HEBP1: variants seen among roughly 807,000 people sequenced by gnomAD.
The protein encoded by HEBP1 is heme binding protein 1.
In HEBP1, 13 loss-of-function variants were observed where a neutral mutation model predicts 20.4. The observed-to-expected ratio is 0.64, with a 90% CI of 0.42 to 1.01. The LOEUF (loss-of-function observed/expected upper bound fraction) is 1.01. Ranked by LOEUF, HEBP1 falls within the 50% of genes least tolerant of loss-of-function variation. The pLI, the probability that HEBP1 is intolerant of heterozygous loss-of-function variation, is 0.00. For missense variants in HEBP1, 241 were observed against 247.3 expected (o/e 0.97, Z 0.17); for synonymous variants, 92 against 90.7 (o/e 1.01, Z -0.08).
Position 12,987,270 on chromosome 12 carries a change from G to C in HEBP1, c.280C>G (p.Leu94Val). The change falls in exon 3 of 4, where the codon CTG becomes GTG. Residue 94 changes from leucine (L) to valine (V), a missense_variant. Leu to Val is a conservative substitution (Grantham distance 32, BLOSUM62 1). Transcript: ENST00000014930. The part of the protein sequence containing the change: ...FAVFPNEDGS[L>V]QKKLKVWFRI... ...AACCAGACTTTTAATTTCTTCTGCA[G>C]AGAGCCATCTTCATTGGGGAACACA... The C allele has an allele frequency of 6.2e-7, 1 of 1,614,094 alleles. No homozygotes were observed. Among genetic ancestry groups the C allele is most frequent in the South Asian group, 1.1e-5 (1 of 91,078 alleles).
At chr12:12,987,632 C>CTCTCTT (rs1555114946) in intron 2 of HEBP1, among the ~76,000 whole-genome samples, 3 of 151,178 alleles carry the variant, frequency 2.0e-5, no homozygotes, top group African/African-American at 4.9e-5. Flanking sequence ...CTCTCTCTCT[C>CTCTCTT]TCTTTCTTTC....
At chr12:12,975,523 T>G (rs1863968840) in intron 3 of HEBP1, 44 bp from the exon 4 acceptor site, 8 of 1,535,584 alleles carry the variant, frequency 5.2e-6, no homozygotes, top group Non-Finnish European at 7.0e-6. Context: ...GGACATGACC[T>G]CTGAGAGAGG....
intron 1 of HEBP1, among the ~76,000 whole-genome samples, chr12:12,995,307 C>T (rs1333675263): frequency 6.6e-6 from 1 of 152,218 alleles, no homozygotes; most frequent in Non-Finnish European, 1.5e-5. Flanking sequence ...CCTCCACCCA[C>T]AAGCCCCACA....
chr12:12,992,610 C>A lies in HEBP1; in HGVS notation c.79-3195G>T, dbSNP rs116522448. Among the ~76,000 whole-genome samples the A allele has an allele frequency of 4.7e-4, 72 of 152,276 alleles. 1 individual carries two copies. The highest frequency in any genetic ancestry group is 2.4e-3 in the Admixed American group (37 of 15,302). On this transcript the variant is annotated intron_variant, in intron 1 of 3. Coordinates refer to ENST00000014930, the MANE Select transcript of HEBP1 (RefSeq NM_015987.5). ...CAGGAATCATGAGGCAGCAAGTCAG[C>A]CTTGACTGTGGGGCACCGTGCTGAA...
chr12:12,989,337 C>T lies in HEBP1; in HGVS notation c.157G>A (p.Glu53Lys). ...TVEVTDKPVD[E>K]ALREAMPKVA... ...TTGGGCATTGCTTCCCGTAGAGCCT[C>T]ATCCACAGGCTTATCTGTCACTTCT... Residue 53 changes from glutamate (E) to lysine (K), a missense_variant, in exon 2 of 4, where the codon GAG becomes AAG. Physicochemically the swap from Glu to Lys is moderately conservative, Grantham distance 56. Coordinates refer to ENST00000014930, the MANE Select transcript of HEBP1 (RefSeq NM_015987.5). The T allele has an allele frequency of 6.2e-7, 1 of 1,614,204 alleles. No individual in the cohort carries two copies. The highest frequency in any genetic ancestry group is 8.5e-7 in the Non-Finnish European group (1 of 1,180,002).
rs748295523 is a variant in HEBP1, at chr12:12,975,493, AG to A, written c.399-15del. On this transcript the variant is annotated splice_polypyrimidine_tract_variant and intron_variant, in intron 3 of 3. Coordinates refer to ENST00000014930, the MANE Select transcript of HEBP1 (RefSeq NM_015987.5). ...CCACCAAACTGCCTGGGGGTTCAAG[AG>A]CAAGGGCTGGTTACGAAAGGACATG... The A allele has an allele frequency of 1.9e-5, 30 of 1,594,818 alleles. 1 individual carries two copies. The South Asian group carries it at 2.9e-4, about 16-fold the overall frequency.
intron 1 of HEBP1, 56 bp from the exon 2 acceptor site, chr12:12,989,471 C>T (rs935936342): frequency 4.4e-6 from 7 of 1,577,924 alleles, no homozygotes; most frequent in Non-Finnish European, 6.1e-6. Flanking sequence ...CTTGTGATGT[C>T]TCTAGAAGTA....
In HEBP1 at chr12:12,996,928, T is replaced by C. The variant is rs1360498899; in HGVS notation, c.78+3109A>G. Among the ~76,000 whole-genome samples the C allele has an allele frequency of 2.6e-5, 4 of 152,196 alleles. No homozygotes were observed. Among genetic ancestry groups the C allele is most frequent in the African/African-American group, 9.7e-5 (4 of 41,442 alleles). On this transcript the variant is annotated intron_variant, in intron 1 of 3. Transcript: ENST00000014930. The surrounding 1 kb of genome is among the most constrained non-coding windows in gnomAD (Gnocchi z 4.1). ...CACAATTAGCTTCAGAGGGGCTAAG[T>C]TGGCCTGTGACCACACAGCTAGAAA... is the stretch of plus-strand genomic sequence containing the variant.
chr12:12,985,332 G>T (rs73287264), intron 3 of HEBP1, among the ~76,000 whole-genome samples: 3,184 of 152,180 alleles, frequency 0.021, 124 homozygotes, highest in African/African-American at 0.073. Context: ...AAATAATCCA[G>T]GGTAGGGCTG....
rs1864158794 is a variant in HEBP1 at position 12,986,863 on chromosome 12, C to T, written c.398+289G>A. ...TTGACTTAAGATATTTGCTGAGTCT[C>T]CTAGAACCCTGCTATGGCTAATGTA... On this transcript the variant is annotated intron_variant, in intron 3 of 3. Coordinates refer to ENST00000014930, the MANE Select transcript of HEBP1 (RefSeq NM_015987.5). This position sits in a 1 kb window ranked among gnomAD's most constrained non-coding sequence, Gnocchi z 4.3. The T allele has an allele frequency of 3.3e-6, 1 of 307,616 alleles. No homozygotes were observed. Among genetic ancestry groups the T allele is most frequent in the Non-Finnish European group, 6.0e-6 (1 of 165,650 alleles). The allele number at this position is 307,616 out of a possible 1,614,324, so 19.1% of individuals were successfully genotyped here. A position where few individuals can be genotyped will look rare whatever the true frequency, so the allele number is the denominator to read the frequency against.
chr12:12,992,428 T>C (rs1864235269), intron 1 of HEBP1, among the ~76,000 whole-genome samples: 1 of 152,198 alleles, frequency 6.6e-6, no homozygotes, highest in Non-Finnish European at 1.5e-5. Flanking sequence ...GGTCTCGAAC[T>C]CCTGACCTCA....
rs572029634 is a variant in HEBP1, at chr12:12,982,922, G to A, written c.398+4230C>T. ...GTCTAGGATTGAGTAGGTATTTACA[G>A]GTATTATCATATTTTATCCTCACAA... On this transcript the variant is annotated intron_variant, in intron 3 of 3. Transcript: ENST00000014930. 1.3e-4 allele frequency among the ~76,000 whole-genome samples: 20 copies of A among 152,214 alleles called. No individual in the cohort carries two copies. In the South Asian group the frequency reaches 4.1e-3, roughly 32 times the overall value.
chr12:12,978,540 A>T (rs1353428730), intron 3 of HEBP1, among the ~76,000 whole-genome samples: 3 of 152,050 alleles, frequency 2.0e-5, no homozygotes, highest in African/African-American at 7.2e-5. Context: ...GCACGATCCA[A>T]TTGTGCTTTG....
chr12:12,975,942 C>G (rs893970916), intron 3 of HEBP1, among the ~76,000 whole-genome samples: 2 of 152,262 alleles, frequency 1.3e-5, no homozygotes, highest in African/African-American at 4.8e-5. Flanking sequence ...TCGGGCAGAG[C>G]TGCAGTGAGT....
chr12:12,983,685 G>A (rs1486753286), intron 3 of HEBP1: 4 of 456,020 alleles, frequency 8.8e-6, no homozygotes, highest in Admixed American at 7.0e-5. Flanking sequence ...TGAGAACTCC[G>A]TGTTAAAAAT....
intron 1 of HEBP1, among the ~76,000 whole-genome samples, chr12:12,993,842 A>AT (rs1323631684): frequency 1.3e-5 from 2 of 152,138 alleles, no homozygotes; most frequent in Non-Finnish European, 2.9e-5. Flanking sequence ...ATCTAATGAT[A>AT]TTTTTAGGGG....
chr12:12,978,062 A>G (rs188689431), intron 3 of HEBP1, among the ~76,000 whole-genome samples: 1 of 152,162 alleles, frequency 6.6e-6, no homozygotes, highest in Non-Finnish European at 1.5e-5. Flanking sequence ...ACTCATTCAC[A>G]TAATAAACAT....
Position 13,000,261 on chromosome 12 carries a change from G to C in HEBP1, c.-147C>G, listed in dbSNP as rs888772786. 5.8e-6 allele frequency: 2 copies of C among 344,388 alleles called. No homozygotes were observed. The highest frequency in any genetic ancestry group is 1.0e-5 in the Non-Finnish European group (2 of 190,540). The allele number at this position is 344,388 out of a possible 1,614,324, so 21.3% of individuals were successfully genotyped here. A position where few individuals can be genotyped will look rare whatever the true frequency, so the allele number is the denominator to read the frequency against. On this transcript the variant is annotated 5_prime_UTR_variant, in exon 1 of 4. Coordinates refer to ENST00000014930, the MANE Select transcript of HEBP1 (RefSeq NM_015987.5). Reference sequence around the variant, plus strand: ...GGCAGGGCGGCAAGGCGGCGGGACGGCGAGGCGGCGAGGCGAGAGGCGGGG... The same window carrying C: ...GGCAGGGCGGCAAGGCGGCGGGACGCCGAGGCGGCGAGGCGAGAGGCGGGG...
In HEBP1 at chr12:12,996,512, A is replaced by G. The variant is rs150054575; in HGVS notation, c.78+3525T>C. On this transcript the variant is annotated intron_variant, in intron 1 of 3. Coordinates refer to ENST00000014930, the MANE Select transcript of HEBP1 (RefSeq NM_015987.5). The surrounding 1 kb of genome is among the most constrained non-coding windows in gnomAD (Gnocchi z 4.1). ...CCAACATCTGGTGAGCCTGAAGCCC[A>G]TGCTATGTGGGGAATATGGTATGCC... Among the ~76,000 whole-genome samples, 407 of 152,326 alleles carry G rather than the reference A, an allele frequency of 2.7e-3. 4 individuals carry two copies. Among genetic ancestry groups the G allele is most frequent in the African/African-American group, 9.3e-3 (388 of 41,572 alleles).
Sources: allele counts gnomAD v4.1 joint callset (sites outside exome capture counted in the v4.1 genomes callset), GRCh38; gene constraint gnomAD v4.1.1; non-coding constraint Gnocchi (gnomAD v3.1); transcripts MANE v1.5; gene names NCBI Gene and HGNC (gene_info 2026-07-23, HGNC 2026-07-21).